Variants in PEX5L observed in about 807,000 individuals in gnomAD.
The protein encoded by PEX5L is peroxisomal biogenesis factor 5 like.
In PEX5L, 30 loss-of-function variants were observed where a neutral mutation model predicts 84.0. That is an observed-to-expected ratio of 0.36 (90% confidence interval 0.27 to 0.48). The LOEUF is 0.48. PEX5L is among the 20% of genes least tolerant of loss of function. The pLI is 0.99. For missense variants in PEX5L, 533 were observed against 754.6 expected (o/e 0.71, Z 3.44); for synonymous variants, 270 against 283.1 (o/e 0.95, Z 0.46).
intron 2 of PEX5L, among the ~76,000 whole-genome samples, chr3:179,958,156 T>C (rs1341864998): frequency 6.6e-6 from 1 of 152,220 alleles, no homozygotes; most frequent in Admixed American, 6.5e-5. Flanking sequence ...TTATCATATA[T>C]GGCATATCTT....
At chr3:180,008,438 C>A (rs989775249) in intron 1 of PEX5L, among the ~76,000 whole-genome samples, 1 of 152,220 alleles carries the variant, frequency 6.6e-6, no homozygotes, top group South Asian at 2.1e-4. Flanking sequence ...TCTGAGCCCT[C>A]CAAGCTGTTC....
intron 14 of PEX5L, among the ~76,000 whole-genome samples, chr3:179,803,102 C>T (rs1200846272): frequency 6.6e-6 from 1 of 152,102 alleles, no homozygotes; most frequent in Non-Finnish European, 1.5e-5. Flanking sequence ...CACATGCTTA[C>T]AGTGGAATTT....
intron 1 of PEX5L, among the ~76,000 whole-genome samples, chr3:179,987,113 C>A (rs1786925180): frequency 6.6e-6 from 1 of 151,974 alleles, no homozygotes; most frequent in African/African-American, 2.4e-5. Context: ...ATAACAAAAC[C>A]CAGCTCCTTC....
chr3:179,813,534 T>G (rs547345237), intron 10 of PEX5L, among the ~76,000 whole-genome samples: 1 of 152,232 alleles, frequency 6.6e-6, no homozygotes, highest in Non-Finnish European at 1.5e-5. Flanking sequence ...GGTCTTGCTC[T>G]GTCACTGAGG....
intron 8 of PEX5L, among the ~76,000 whole-genome samples, chr3:179,842,352 G>A (rs1737632042): frequency 6.6e-6 from 1 of 152,088 alleles, no homozygotes; most frequent in Admixed American, 6.6e-5. Flanking sequence ...GGTTCACATC[G>A]AATGGTCATA....
chr3:179,834,465 C>T (rs932241679), intron 8 of PEX5L, among the ~76,000 whole-genome samples: 1 of 152,242 alleles, frequency 6.6e-6, no homozygotes, highest in Non-Finnish European at 1.5e-5. Context: ...TAGGCTGGCT[C>T]ATGACTGTAC....
At chr3:179,807,375 A>C (rs1721727486) in intron 14 of PEX5L, among the ~76,000 whole-genome samples, 1 of 152,172 alleles carries the variant, frequency 6.6e-6, no homozygotes, top group Non-Finnish European at 1.5e-5. Context: ...GGTGTTGAAA[A>C]TGCTGATAAC....
intron 2 of PEX5L, among the ~76,000 whole-genome samples, chr3:179,912,596 C>T (rs78592889): frequency 0.048 from 7,254 of 152,118 alleles, 214 homozygotes; most frequent in Non-Finnish European, 0.069. Context: ...GAAGCTATTC[C>T]TATAAACACT....
chr3:179,898,000 A>G (rs1205268479), intron 3 of PEX5L, 142 bp downstream of exon 3: 6 of 480,416 alleles, frequency 1.2e-5, no homozygotes, highest in Non-Finnish European at 2.2e-5. Context: ...GTTTTCATCT[A>G]TATTTGTATA....
chr3:180,000,179 C>A (rs1788266462), intron 1 of PEX5L, among the ~76,000 whole-genome samples: 1 of 152,096 alleles, frequency 6.6e-6, no homozygotes, highest in South Asian at 2.1e-4. Context: ...CCAGGAGACA[C>A]ACAATTTCAT....
chr3:179,956,319 A>T (rs1200384461), intron 2 of PEX5L, among the ~76,000 whole-genome samples: 1 of 152,198 alleles, frequency 6.6e-6, no homozygotes, highest in African/African-American at 2.4e-5. Context: ...TTGGAGCCCT[A>T]GGAAAAATGG....
intron 2 of PEX5L, among the ~76,000 whole-genome samples, chr3:179,959,001 T>C (rs1401746847): frequency 6.6e-6 from 1 of 151,360 alleles, no homozygotes; most frequent in Non-Finnish European, 1.5e-5. Context: ...CATTCCAGCC[T>C]GGACGACAGA....
chr3:180,028,410 G>A (rs1265978456), intron 1 of PEX5L, among the ~76,000 whole-genome samples: 3 of 152,100 alleles, frequency 2.0e-5, no homozygotes, highest in Admixed American at 6.5e-5. Flanking sequence ...CCAAATGACT[G>A]CTAAAGCAAC....
chr3:179,903,270 G>T (rs576070655), intron 2 of PEX5L, among the ~76,000 whole-genome samples: 45 of 152,054 alleles, frequency 3.0e-4, no homozygotes, highest in Non-Finnish European at 4.7e-4. Context: ...ACCCAGGCTG[G>T]AGTGCAGTGG....
intron 2 of PEX5L, among the ~76,000 whole-genome samples, chr3:179,966,557 ACTAT>A (rs1207514448): frequency 6.6e-6 from 1 of 152,112 alleles, no homozygotes; most frequent in Non-Finnish European, 1.5e-5. Flanking sequence ...TGTTGGTAGG[ACTAT>A]CTATTAGCAC....
At chr3:179,952,243 T>C (rs1475337994) in intron 2 of PEX5L, among the ~76,000 whole-genome samples, 2 of 152,216 alleles carry the variant, frequency 1.3e-5, no homozygotes, top group South Asian at 2.1e-4. Context: ...CATACTCTTG[T>C]CTCTTTAGGA....
At chr3:179,815,356 C>T (rs558435550) in intron 10 of PEX5L, among the ~76,000 whole-genome samples, 103 of 152,190 alleles carry the variant, frequency 6.8e-4, no homozygotes, top group Middle Eastern at 3.4e-3. Context: ...AGGCCAAGGC[C>T]GGTGGATCAC....
At chr3:179,863,250 G>A (rs966790634) in intron 7 of PEX5L, among the ~76,000 whole-genome samples, 2 of 152,112 alleles carry the variant, frequency 1.3e-5, no homozygotes, top group African/African-American at 4.8e-5. Flanking sequence ...AGAAAACACT[G>A]GGGAAATGCT....
rs141429170 is a variant in PEX5L at position 179,978,095 on chromosome 3, A to G, written c.22-6430T>C. Reference sequence around the variant, plus strand: ...GCCCAGACATTTAGTAATTTTTTGGATTTTAAGGTTAAATCTAATTGGAAA... The same window carrying G: ...GCCCAGACATTTAGTAATTTTTTGGGTTTTAAGGTTAAATCTAATTGGAAA... On this transcript the variant is annotated intron_variant, in intron 1 of 14. Transcript: ENST00000467460. Among the ~76,000 whole-genome samples, 248 of 152,254 alleles carry G rather than the reference A, an allele frequency of 1.6e-3. 3 individuals carry two copies. Among genetic ancestry groups the G allele is most frequent in the Middle Eastern group, 6.8e-3 (2 of 294 alleles).
Sources: gnomAD v4.1 joint callset for allele counts (sites outside exome capture counted in the v4.1 genomes callset) on GRCh38, gnomAD v4.1.1 for gene constraint, MANE v1.5 for transcripts, NCBI Gene and HGNC (gene_info 2026-07-23, HGNC 2026-07-21) for gene names.